Variants in TMEM132B observed in about 807,000 individuals in gnomAD.
TMEM132B encodes transmembrane protein 132B.
In TMEM132B, 18 loss-of-function variants were observed where a neutral mutation model predicts 90.8. The ratio of observed to expected loss-of-function variants is 0.20; its 90% CI spans 0.14 to 0.29. The LOEUF (loss-of-function observed/expected upper bound fraction) is 0.29, where lower values mean the gene tolerates loss of function less well. Among genes scored for constraint, TMEM132B ranks in the 10% least tolerant of loss-of-function variants. The pLI, the probability that TMEM132B is intolerant of heterozygous loss-of-function variation, is 1.00. For missense variants in TMEM132B, 1,096 were observed against 1,326.8 expected (o/e 0.83, Z 2.70); for synonymous variants, 504 against 523.3 (o/e 0.96, Z 0.50).
intron 2 of TMEM132B, among the ~76,000 whole-genome samples, chr12:125,402,931 C>G (rs1362852530): frequency 1.3e-5 from 2 of 152,050 alleles, no homozygotes; most frequent in African/African-American, 2.4e-5. Context: ...TGCTCATTGG[C>G]CCCTGTGTTG....
At chr12:125,647,087 C>G (rs546046802) in intron 6 of TMEM132B, among the ~76,000 whole-genome samples, 9 of 152,080 alleles carry the variant, frequency 5.9e-5, no homozygotes, top group Non-Finnish European at 1.0e-4. Flanking sequence ...TCAATAGGCT[C>G]GGCAGTACAG....
At chr12:125,573,436 AC>A (rs1392373133) in intron 4 of TMEM132B, among the ~76,000 whole-genome samples, 3 of 152,222 alleles carry the variant, frequency 2.0e-5, no homozygotes, top group African/African-American at 7.2e-5. Context: ...ATCCTAGAAT[AC>A]TAAAGCAGTT....
At position 125,406,487 on chromosome 12, in the gene TMEM132B, C is replaced by G. The variant is rs1191071671; in HGVS notation, c.960-9044C>G. Among the ~76,000 whole-genome samples, 2 of 152,200 alleles carry G rather than the reference C, an allele frequency of 1.3e-5. No individual in the cohort carries two copies. The highest frequency in any genetic ancestry group is 3.9e-4 in the East Asian group (2 of 5,184). ...CCACAGTCTCAGTCTGTGGCCAAAACCATCTGAGACTCACTGGTCTGGACT... is the reference window on the plus strand; with the variant it reads ...CCACAGTCTCAGTCTGTGGCCAAAAGCATCTGAGACTCACTGGTCTGGACT... On this transcript the variant is annotated intron_variant, in intron 2 of 8. Transcript: ENST00000682704. The surrounding 1 kb of genome is among the most constrained non-coding windows in gnomAD (Gnocchi z 8.3).
chr12:125,276,737 G>A (rs991738929), intron 1 of TMEM132B, among the ~76,000 whole-genome samples: 54 of 152,312 alleles, frequency 3.5e-4, no homozygotes, highest in African/African-American at 1.1e-3. Flanking sequence ...GTCAAATGGC[G>A]GAAGCGCTGG....
intron 1 of TMEM132B, among the ~76,000 whole-genome samples, chr12:125,328,359 G>A (rs1005307982): frequency 6.6e-6 from 1 of 152,208 alleles, no homozygotes; most frequent in East Asian, 1.9e-4. Flanking sequence ...CCTCTGCTGG[G>A]AGCCTTCTTC....
intron 5 of TMEM132B, among the ~76,000 whole-genome samples, chr12:125,627,586 A>G (rs956700618): frequency 9.2e-5 from 14 of 151,960 alleles, no homozygotes; most frequent in Non-Finnish European, 2.1e-4. Context: ...AGATGTTTTG[A>G]TACAGGCATG....
intron 5 of TMEM132B, among the ~76,000 whole-genome samples, chr12:125,631,896 T>C (rs1424832811): frequency 1.3e-5 from 2 of 152,104 alleles, no homozygotes; most frequent in Admixed American, 1.3e-4. Context: ...AATGTGTTTC[T>C]TGTAGGCAAC....
chr12:125,379,884 G>A (rs1388933123), intron 2 of TMEM132B, among the ~76,000 whole-genome samples: 1 of 152,202 alleles, frequency 6.6e-6, no homozygotes, highest in Non-Finnish European at 1.5e-5. Flanking sequence ...GGAATTGAGA[G>A]CTTTGAGAGA....
chr12:125,509,122 T>A (rs1444419766), intron 3 of TMEM132B, among the ~76,000 whole-genome samples: 1 of 152,166 alleles, frequency 6.6e-6, no homozygotes, highest in African/African-American at 2.4e-5. Context: ...TGCTCTTCAC[T>A]TTCCCCCTGT....
At chr12:125,516,959 T>C (rs548512989) in intron 3 of TMEM132B, among the ~76,000 whole-genome samples, 3 of 152,228 alleles carry the variant, frequency 2.0e-5, no homozygotes, top group African/African-American at 7.2e-5. Context: ...TGGAATATGG[T>C]TGATGGGAAA....
chr12:125,610,749 A>C (rs1443542508), intron 5 of TMEM132B, among the ~76,000 whole-genome samples: 2 of 152,160 alleles, frequency 1.3e-5, no homozygotes, highest in African/African-American at 4.8e-5. Flanking sequence ...ATGGTTAAAA[A>C]AATAAATATA....
chr12:125,240,611 A>C (rs1350317026), intron 1 of TMEM132B, among the ~76,000 whole-genome samples: 1 of 152,126 alleles, frequency 6.6e-6, no homozygotes, highest in African/African-American at 2.4e-5. Context: ...AGAAGTTTTT[A>C]AAAAGGACAT....
chr12:125,637,837 G>C (rs949869257), intron 5 of TMEM132B, among the ~76,000 whole-genome samples: 1 of 152,188 alleles, frequency 6.6e-6, no homozygotes, highest in African/African-American at 2.4e-5. Flanking sequence ...CACATCAGTG[G>C]TTGCCTGGGG....
intron 1 of TMEM132B, among the ~76,000 whole-genome samples, chr12:125,199,246 C>A (rs990801258): frequency 6.6e-6 from 1 of 152,096 alleles, no homozygotes; most frequent in African/African-American, 2.4e-5. Context: ...CAGTGGTTAA[C>A]CTTACTGACC....
intron 3 of TMEM132B, among the ~76,000 whole-genome samples, chr12:125,514,714 A>G (rs2136641437): frequency 6.6e-6 from 1 of 152,126 alleles, no homozygotes; most frequent in East Asian, 1.9e-4. Flanking sequence ...ACTCTTCTTC[A>G]TTTCTTCCTC....
chr12:125,569,232 G>C (rs1239942695), intron 4 of TMEM132B, among the ~76,000 whole-genome samples: 4 of 152,230 alleles, frequency 2.6e-5, no homozygotes, highest in Non-Finnish European at 5.9e-5. Flanking sequence ...TCACTCAGCA[G>C]TATCACCATT....
chr12:125,480,298 C>CA (rs1216694503), intron 3 of TMEM132B, among the ~76,000 whole-genome samples: 3 of 151,902 alleles, frequency 2.0e-5, no homozygotes, highest in East Asian at 3.9e-4. Flanking sequence ...AAAAACCCTT[C>CA]AAAAAATCAA....
At chr12:125,563,961 T>C (rs571574785) in intron 4 of TMEM132B, among the ~76,000 whole-genome samples, 16 of 152,322 alleles carry the variant, frequency 1.1e-4, no homozygotes, top group Admixed American at 3.3e-4. Flanking sequence ...TTCAGACTTC[T>C]GGCCTGCAAA....
intron 4 of TMEM132B, among the ~76,000 whole-genome samples, chr12:125,551,065 G>A (rs1240461083): frequency 2.0e-5 from 3 of 152,242 alleles, no homozygotes; most frequent in East Asian, 1.9e-4. Flanking sequence ...CGCCCGCCTC[G>A]GCCTCCCGAA....
Sources: allele counts gnomAD v4.1 joint callset (sites outside exome capture counted in the v4.1 genomes callset), GRCh38; gene constraint gnomAD v4.1.1; non-coding constraint Gnocchi (gnomAD v3.1); transcripts MANE v1.5; gene names NCBI Gene and HGNC (gene_info 2026-07-23, HGNC 2026-07-21).